ERCC8: variants seen among roughly 807,000 people sequenced by gnomAD.
ERCC8 encodes ERCC excision repair 8, CSA ubiquitin ligase complex subunit, also known as DNA excision repair protein ERCC-8.
Under a neutral mutation model 54.9 loss-of-function variants are expected in ERCC8, and 52 were observed. The observed-to-expected ratio is 0.95, with a 90% CI of 0.76 to 1.19. The LOEUF (loss-of-function observed/expected upper bound fraction) is 1.19. Among genes scored for constraint, ERCC8 ranks in the 50% most tolerant of loss-of-function variants. The probability of loss-of-function intolerance (pLI) is 0.00; values close to 1 mark genes in which losing one functional copy is unlikely to be tolerated. For synonymous variants in ERCC8, 146 were observed against 157.2 expected, an observed-to-expected ratio of 0.93 and a Z score of 0.53; for missense variants, 514 against 466.1, an observed-to-expected ratio of 1.10 and a Z score of -0.95.
chr5:60,891,881 G>T, intron 9 of ERCC8: 1 of 444,776 alleles, frequency 2.2e-6, no homozygotes, highest in Non-Finnish European at 4.5e-6. Context: ...GTAATCTCCC[G>T]TCCCACTGGA....
chr5:60,887,972 A>C (rs904731136), intron 10 of ERCC8, among the ~76,000 whole-genome samples: 1 of 152,206 alleles, frequency 6.6e-6, no homozygotes, highest in African/African-American at 2.4e-5. Flanking sequence ...AATTCAACAG[A>C]AGAGCTTGAA....
chr5:60,911,143 G>C (rs1749247488), intron 4 of ERCC8, among the ~76,000 whole-genome samples: 1 of 152,082 alleles, frequency 6.6e-6, no homozygotes, highest in Non-Finnish European at 1.5e-5. Context: ...TATGTGCCAT[G>C]TTGGTTTGCT....
At chr5:60,887,270 C>A (rs558272786) in intron 11 of ERCC8, among the ~76,000 whole-genome samples, 170 bp downstream of exon 11, 1 of 152,234 alleles carries the variant, frequency 6.6e-6, no homozygotes, top group African/African-American at 2.4e-5. Flanking sequence ...CCAGGCTGGT[C>A]TTGATTTCTG....
intron 4 of ERCC8, among the ~76,000 whole-genome samples, chr5:60,911,124 A>C (rs1749246111): frequency 6.6e-6 from 1 of 152,156 alleles, no homozygotes; most frequent in South Asian, 2.1e-4. Flanking sequence ...GGTTTGTTAC[A>C]TAGGTATATA....
At chr5:60,881,478 C>T (rs1390042684) in intron 11 of ERCC8, among the ~76,000 whole-genome samples, 1 of 152,222 alleles carries the variant, frequency 6.6e-6, no homozygotes, top group Admixed American at 6.5e-5. Flanking sequence ...CAGAGGCCGG[C>T]AGGCCTCCTT....
chr5:60,892,240 A>G (rs377257420), intron 9 of ERCC8: 1 of 546,662 alleles, frequency 1.8e-6, no homozygotes, highest in African/African-American at 1.9e-5. Flanking sequence ...TCTTATATAC[A>G]GTAGCTTTAT....
intron 9 of ERCC8, among the ~76,000 whole-genome samples, chr5:60,895,240 G>A (rs946214397): frequency 6.7e-6 from 1 of 148,444 alleles, no homozygotes; most frequent in African/African-American, 2.5e-5. Context: ...GTATGTGTAT[G>A]TATATATATA....
At chr5:60,904,750 A>C in intron 5 of ERCC8, 42 bp downstream of exon 5, 2 of 1,263,222 alleles carry the variant, frequency 1.6e-6, no homozygotes, top group Non-Finnish European at 2.3e-6. Flanking sequence ...AAAGGGAGAA[A>C]GTTTTCAGTA....
intron 1 of ERCC8, among the ~76,000 whole-genome samples, chr5:60,940,154 G>C (rs1322079331): frequency 2.0e-5 from 3 of 151,932 alleles, no homozygotes; most frequent in Non-Finnish European, 1.5e-5. Context: ...TATTTAATTT[G>C]ATAATTTCAT....
chr5:60,941,483 G>A (rs940359736), intron 1 of ERCC8, among the ~76,000 whole-genome samples: 2 of 152,172 alleles, frequency 1.3e-5, no homozygotes, highest in African/African-American at 4.8e-5. Context: ...AGAAGGAGAA[G>A]AGAAAGAGTG....
chr5:60,923,921 C>T (rs972115729), intron 2 of ERCC8, among the ~76,000 whole-genome samples: 32 of 152,032 alleles, frequency 2.1e-4, no homozygotes, highest in African/African-American at 7.5e-4. Flanking sequence ...TGATTTTTAT[C>T]GTAGTCACTG....
chr5:60,894,391 C>T (rs1443084891), intron 9 of ERCC8, among the ~76,000 whole-genome samples: 1 of 151,890 alleles, frequency 6.6e-6, no homozygotes, highest in East Asian at 1.9e-4. Flanking sequence ...GTATATATTC[C>T]TAATAATGTT....
In ERCC8 at chr5:60,898,358, G is replaced by T. The variant is rs775948859; in HGVS notation, c.761C>A (p.Thr254Lys). The change falls in exon 9 of 12, where the codon ACA becomes AAA. Residue 254 changes from threonine (T) to lysine (K), a missense_variant. Thr to Lys is a moderately conservative substitution (Grantham distance 78). Transcript: ENST00000676185. ...HNGKVNGLCF[T>K]SDGLHLLTVG... ...AGTGAGGAGGTGAAGTCCATCACTT[G>T]TAAAACATAAGCCATTAACTTTCCC... The T allele has an allele frequency of 9.3e-6, 15 of 1,613,384 alleles. No homozygotes were observed. The highest frequency in any genetic ancestry group is 1.3e-5 in the African/African-American group (1 of 74,888).
intron 10 of ERCC8, among the ~76,000 whole-genome samples, chr5:60,887,898 G>C (rs1056110552): frequency 6.6e-6 from 1 of 152,116 alleles, no homozygotes; most frequent in Non-Finnish European, 1.5e-5. Context: ...CCATATGAGC[G>C]TCTACTAAAA....
intron 9 of ERCC8, among the ~76,000 whole-genome samples, chr5:60,894,142 G>A (rs539382609): frequency 2.0e-5 from 3 of 151,952 alleles, no homozygotes; most frequent in African/African-American, 4.8e-5. Context: ...CCGCCACCAC[G>A]CCCGGCTAAT....
intron 11 of ERCC8, among the ~76,000 whole-genome samples, chr5:60,887,205 A>G (rs1748420270): frequency 1.3e-5 from 2 of 152,204 alleles, no homozygotes; most frequent in Admixed American, 1.3e-4. Flanking sequence ...TACGGAAATT[A>G]CCAAGAAATG....
chr5:60,910,134 G>A (rs1190966086), intron 4 of ERCC8, among the ~76,000 whole-genome samples: 1 of 152,028 alleles, frequency 6.6e-6, no homozygotes, highest in East Asian at 1.9e-4. Flanking sequence ...AACTGTGATG[G>A]GGGTCAGCTT....
At chr5:60,911,050 A>G (rs986886751) in intron 4 of ERCC8, among the ~76,000 whole-genome samples, 4 of 152,000 alleles carry the variant, frequency 2.6e-5, no homozygotes, top group Non-Finnish European at 5.9e-5. Flanking sequence ...AGAGAATTTT[A>G]TTTTTATTTT....
At chr5:60,877,508 C>G (rs1748050631) in intron 11 of ERCC8, among the ~76,000 whole-genome samples, 1 of 152,202 alleles carries the variant, frequency 6.6e-6, no homozygotes, top group Non-Finnish European at 1.5e-5. Context: ...TACCCATGAG[C>G]ATGGAATGTT....
Sources: gnomAD v4.1 joint callset for allele counts (sites outside exome capture counted in the v4.1 genomes callset) on GRCh38, gnomAD v4.1.1 for gene constraint, MANE v1.5 for transcripts, NCBI Gene and HGNC (gene_info 2026-07-23, HGNC 2026-07-21) for gene names.